The following RAMP3 variants were observed in gnomAD, a reference collection of about 807,000 sequenced individuals.
RAMP3 encodes the protein receptor activity modifying protein 3, also known as receptor activity-modifying protein 3.
A neutral mutation model predicts 13.5 loss-of-function variants in RAMP3; 14 were observed. The observed-to-expected ratio is 1.04, with a 90% CI of 0.69 to 1.63. The LOEUF (loss-of-function observed/expected upper bound fraction) is 1.63. RAMP3 is among the 40% of genes most tolerant of loss of function. RAMP3 has a pLI of 0.00. For missense variants in RAMP3, 200 were observed against 204.8 expected (o/e 0.98, Z 0.14); for synonymous variants, 106 against 88.3 (o/e 1.20, Z -1.12).
At position 45,174,686 on chromosome 7, in the gene RAMP3, T is replaced by C. The variant is rs544476319; in HGVS notation, c.59-2623T>C. Among the ~76,000 whole-genome samples the C allele has an allele frequency of 2.6e-5, 4 of 152,226 alleles. No individual in the cohort carries two copies. The South Asian group carries it at 8.3e-4, about 32-fold the overall frequency. ...GCTGCCTGTATGCGCAGCCCCTATA[T>C]GGCCTGTGCATCTTGGTGAGACTTC... On this transcript the variant is annotated intron_variant, in intron 1 of 2. Coordinates refer to ENST00000242249, the MANE Select transcript of RAMP3 (RefSeq NM_005856.3).
At chr7:45,163,978 G>T (rs778427385) in intron 1 of RAMP3, 1 of 752,404 alleles carries the variant, frequency 1.3e-6, no homozygotes, top group Non-Finnish European at 1.6e-6. Flanking sequence ...GAGTACTGTG[G>T]CTGAAAACCC....
At chr7:45,175,742 G>A (rs890698915) in intron 1 of RAMP3, among the ~76,000 whole-genome samples, 1 of 152,136 alleles carries the variant, frequency 6.6e-6, no homozygotes, top group Non-Finnish European at 1.5e-5. Flanking sequence ...CTTAACCCTG[G>A]GATCTGGACC....
chr7:45,175,158 A>T (rs1194973420), intron 1 of RAMP3, among the ~76,000 whole-genome samples: 2 of 152,190 alleles, frequency 1.3e-5, no homozygotes, highest in South Asian at 2.1e-4. Context: ...AGCTGTGCTG[A>T]TGAGACAAGC....
intron 1 of RAMP3, among the ~76,000 whole-genome samples, chr7:45,161,010 G>C (rs1785856484): frequency 6.6e-6 from 1 of 152,212 alleles, no homozygotes; most frequent in African/African-American, 2.4e-5. Flanking sequence ...TGCCTGCCTT[G>C]TGCAGGCCCA....
chr7:45,182,056 T>G (rs1786327399), intron 2 of RAMP3, among the ~76,000 whole-genome samples: 1 of 152,154 alleles, frequency 6.6e-6, no homozygotes, highest in Non-Finnish European at 1.5e-5. Flanking sequence ...TCCTACCCCT[T>G]TCTGATGCTT....
At chr7:45,181,112 C>T (rs1037748136) in intron 2 of RAMP3, among the ~76,000 whole-genome samples, 2 of 152,208 alleles carry the variant, frequency 1.3e-5, no homozygotes, top group Non-Finnish European at 2.9e-5. Flanking sequence ...TCTCAACCAC[C>T]TGATAGGATA....
chr7:45,167,282 G>T (rs1454786728), intron 1 of RAMP3, among the ~76,000 whole-genome samples: 1 of 152,006 alleles, frequency 6.6e-6, no homozygotes, highest in African/African-American at 2.4e-5. Context: ...GTTAATTTTC[G>T]TGTATGAGGT....
At chr7:45,168,284 C>T (rs928413198) in intron 1 of RAMP3, among the ~76,000 whole-genome samples, 3 of 151,664 alleles carry the variant, frequency 2.0e-5, no homozygotes, top group Non-Finnish European at 4.4e-5. Flanking sequence ...TGCCTGTAAT[C>T]CCAACTACTC....
intron 1 of RAMP3, 125 bp from the exon 2 acceptor site, chr7:45,177,184 A>G: frequency 7.8e-7 from 1 of 1,275,402 alleles, no homozygotes; most frequent in Non-Finnish European, 1.1e-6. Context: ...CTCCGCTGGA[A>G]CGGTCTCAGG....
chr7:45,183,150 T>C lies in RAMP3; in HGVS notation c.192-7T>C. The C allele has an allele frequency of 6.2e-7, 1 of 1,608,752 alleles. No homozygotes were observed. Among genetic ancestry groups the C allele is most frequent in the Non-Finnish European group, 8.5e-7 (1 of 1,179,510 alleles). On this transcript the variant is annotated splice_region_variant and splice_polypyrimidine_tract_variant and intron_variant, in intron 2 of 2. Transcript: ENST00000242249. Reference sequence around the variant, plus strand: ...GAGCCTGGCTTTCACCCCCTCTGCTTTTGCAGGTACTATGAGAGTTTCACC... The same window carrying C: ...GAGCCTGGCTTTCACCCCCTCTGCTCTTGCAGGTACTATGAGAGTTTCACC...
At chr7:45,174,166 G>A (rs1786134295) in intron 1 of RAMP3, among the ~76,000 whole-genome samples, 2 of 152,166 alleles carry the variant, frequency 1.3e-5, no homozygotes, top group Admixed American at 1.3e-4. Context: ...GGCCCGGCAT[G>A]CACAGATGAC....
intron 2 of RAMP3, among the ~76,000 whole-genome samples, chr7:45,179,161 C>T (rs2252579): frequency 0.46 from 69,850 of 151,556 alleles, 17,257 homozygotes; most frequent in Admixed American, 0.54. Context: ...CTGGAGAGAG[C>T]GGCTGATACG....
chr7:45,182,198 G>A (rs968330144), intron 2 of RAMP3, among the ~76,000 whole-genome samples: 1 of 152,220 alleles, frequency 6.6e-6, no homozygotes, highest in African/African-American at 2.4e-5. Context: ...GGAAGCCGAG[G>A]CAGGACCCTT....
At chr7:45,175,781 GC>G (rs1786171065) in intron 1 of RAMP3, among the ~76,000 whole-genome samples, 2 of 152,146 alleles carry the variant, frequency 1.3e-5, no homozygotes, top group Non-Finnish European at 2.9e-5. Context: ...CCTTAGACAA[GC>G]CACTCCCTTT....
intron 1 of RAMP3, among the ~76,000 whole-genome samples, chr7:45,166,958 C>CTT (rs202162694): frequency 0.01 from 1,030 of 101,200 alleles, 74 homozygotes; most frequent in African/African-American, 0.029. Context: ...GTCTTTGATG[C>CTT]TTTTTTTTTT....
intron 1 of RAMP3, among the ~76,000 whole-genome samples, chr7:45,161,425 T>A (rs10951798): frequency 0.3 from 45,366 of 151,728 alleles, 8,885 homozygotes; most frequent in African/African-American, 0.56. Flanking sequence ...ACCTTGTCCC[T>A]GAGCTGTGTT....
At chr7:45,158,320 G>C (rs768842749) in intron 1 of RAMP3, among the ~76,000 whole-genome samples, 1 of 152,170 alleles carries the variant, frequency 6.6e-6, no homozygotes, top group African/African-American at 2.4e-5. Context: ...ACTCACAGGG[G>C]CGTGGGCGGG....
At chr7:45,170,819 A>T (rs951046726) in intron 1 of RAMP3, among the ~76,000 whole-genome samples, 1 of 152,006 alleles carries the variant, frequency 6.6e-6, no homozygotes, top group East Asian at 1.9e-4. Context: ...AATTAAAAAA[A>T]TTTTATTTTA....
At chr7:45,173,946 G>A (rs1349502468) in intron 1 of RAMP3, among the ~76,000 whole-genome samples, 2 of 152,120 alleles carry the variant, frequency 1.3e-5, no homozygotes, top group Non-Finnish European at 2.9e-5. Flanking sequence ...AGCCTCGACA[G>A]CAGGGGAGCA....
Sources: allele counts gnomAD v4.1 joint callset (sites outside exome capture counted in the v4.1 genomes callset), GRCh38; gene constraint gnomAD v4.1.1; transcripts MANE v1.5; gene names NCBI Gene and HGNC (gene_info 2026-07-23, HGNC 2026-07-21).